Variants in SLIT2 observed in about 807,000 individuals in gnomAD.
The protein encoded by SLIT2 is slit homolog 2 protein.
In SLIT2, 41 loss-of-function variants were observed where a neutral mutation model predicts 185.7. The observed-to-expected ratio is 0.22, with a 90% confidence interval of 0.17 to 0.29. The LOEUF is 0.29. Among genes scored for constraint, SLIT2 ranks in the 10% least tolerant of loss-of-function variants. The pLI is 1.00. For synonymous variants in SLIT2, 693 were observed against 680.2 expected (o/e 1.02, Z -0.29); for missense variants, 1,571 against 1,909.0 (o/e 0.82, Z 3.30).
chr4:20,575,387 A>G (rs929295819), intron 29 of SLIT2, among the ~76,000 whole-genome samples: 1 of 152,230 alleles, frequency 6.6e-6, no homozygotes, highest in Non-Finnish European at 1.5e-5. Context: ...TTAAATAAAA[A>G]GAATGTATAT....
chr4:20,576,324 T>C (rs1295651474), intron 29 of SLIT2, among the ~76,000 whole-genome samples: 1 of 152,208 alleles, frequency 6.6e-6, no homozygotes, highest in African/African-American at 2.4e-5. Flanking sequence ...TTTATTATTA[T>C]TGTTTTTAAT....
intron 11 of SLIT2, among the ~76,000 whole-genome samples, chr4:20,516,311 A>T (rs1384208596): frequency 6.6e-6 from 1 of 152,214 alleles, no homozygotes; most frequent in Non-Finnish European, 1.5e-5. Flanking sequence ...ACAACAAAAA[A>T]ATCTCTATCA....
intron 4 of SLIT2, among the ~76,000 whole-genome samples, chr4:20,284,945 T>G (rs551718329): frequency 5.3e-5 from 8 of 152,374 alleles, no homozygotes; most frequent in African/African-American, 1.9e-4. Context: ...AGGGATAGCT[T>G]ACATCATTTA....
At chr4:20,414,176 A>G (rs1406685619) in intron 4 of SLIT2, among the ~76,000 whole-genome samples, 2 of 152,152 alleles carry the variant, frequency 1.3e-5, no homozygotes, top group African/African-American at 4.8e-5. Context: ...TCTGCAGATT[A>G]CAATTAACCT....
At chr4:20,399,826 G>T (rs1020861302) in intron 4 of SLIT2, among the ~76,000 whole-genome samples, 1 of 151,702 alleles carries the variant, frequency 6.6e-6, no homozygotes, top group Non-Finnish European at 1.5e-5. Context: ...TGAGACCAAA[G>T]TATGAAGGTT....
chr4:20,289,584 A>G (rs1254309746), intron 4 of SLIT2, among the ~76,000 whole-genome samples: 1 of 152,236 alleles, frequency 6.6e-6, no homozygotes, highest in East Asian at 1.9e-4. Context: ...ACAATCTCAT[A>G]GAGTTCTCAC....
At chr4:20,341,105 A>G (rs1175840764) in intron 4 of SLIT2, among the ~76,000 whole-genome samples, 1 of 152,170 alleles carries the variant, frequency 6.6e-6, no homozygotes, top group East Asian at 1.9e-4. Flanking sequence ...CTTCAAAACA[A>G]GTTGCCACTA....
chr4:20,426,526 G>A (rs1303241560), intron 4 of SLIT2, among the ~76,000 whole-genome samples: 51 of 152,178 alleles, frequency 3.4e-4, no homozygotes. Flanking sequence ...TGCTATTAAT[G>A]AGAAAGGATC....
chr4:20,605,265 T>A (rs1728702036), intron 33 of SLIT2, among the ~76,000 whole-genome samples: 1 of 152,174 alleles, frequency 6.6e-6, no homozygotes, highest in East Asian at 1.9e-4. Flanking sequence ...AGAAAGAAAA[T>A]CAGAGACATT....
chr4:20,473,317 A>G (rs1222620989), intron 5 of SLIT2, among the ~76,000 whole-genome samples: 1 of 151,984 alleles, frequency 6.6e-6, no homozygotes, highest in Non-Finnish European at 1.5e-5. Context: ...ATGTTGGGGA[A>G]AATATTTGTA....
chr4:20,547,194 T>A (rs999260158), intron 22 of SLIT2, among the ~76,000 whole-genome samples: 3 of 152,176 alleles, frequency 2.0e-5, no homozygotes, highest in Non-Finnish European at 4.4e-5. Context: ...TCCTCTAAGA[T>A]GTCTTGTTCT....
chr4:20,579,276 G>T (rs1209017538), intron 29 of SLIT2, among the ~76,000 whole-genome samples: 2 of 151,098 alleles, frequency 1.3e-5, no homozygotes, highest in African/African-American at 4.9e-5. Context: ...TTTAGCCTGG[G>T]TGACAGAACA....
At chr4:20,531,723 C>G (rs1721829461) in intron 16 of SLIT2, among the ~76,000 whole-genome samples, 2 of 149,324 alleles carry the variant, frequency 1.3e-5, no homozygotes, top group Non-Finnish European at 3.0e-5. Flanking sequence ...AAAATTTGTT[C>G]TAGAGATTAC....
intron 4 of SLIT2, among the ~76,000 whole-genome samples, chr4:20,422,124 A>G (rs1202912353): frequency 1.3e-5 from 2 of 152,182 alleles, no homozygotes; most frequent in African/African-American, 4.8e-5. Flanking sequence ...TCTCAATGAG[A>G]TGACTCAAAT....
intron 4 of SLIT2, among the ~76,000 whole-genome samples, chr4:20,452,212 G>T (rs931547628): frequency 6.6e-6 from 1 of 152,158 alleles, no homozygotes; most frequent in Non-Finnish European, 1.5e-5. Context: ...AATCCAGCCT[G>T]TGTCATTTTG....
At chr4:20,509,765 C>A (rs1034009107) in intron 9 of SLIT2, among the ~76,000 whole-genome samples, 68 of 152,290 alleles carry the variant, frequency 4.5e-4, no homozygotes, top group African/African-American at 1.6e-3. Context: ...TGGGTAAAAT[C>A]TTGTCTTTCT....
intron 4 of SLIT2, among the ~76,000 whole-genome samples, chr4:20,276,211 C>G (rs916678488): frequency 2.6e-5 from 4 of 152,028 alleles, no homozygotes; most frequent in African/African-American, 9.7e-5. Flanking sequence ...AAGTTTGAAC[C>G]AGAAGTCGTT....
At chr4:20,510,394 A>G (rs1719599208) in intron 9 of SLIT2, 101 bp from the exon 10 acceptor site, 2 of 790,524 alleles carry the variant, frequency 2.5e-6, no homozygotes, top group Non-Finnish European at 4.4e-6. Context: ...ATCACTCATG[A>G]AGAACATCAA....
chr4:20,387,335 A>G (rs984837617), intron 4 of SLIT2, among the ~76,000 whole-genome samples: 4 of 152,164 alleles, frequency 2.6e-5, no homozygotes, highest in African/African-American at 7.2e-5. Flanking sequence ...TAAATTATTT[A>G]GAAGAGTAAA....
Sources: gnomAD v4.1 joint callset for allele counts (sites outside exome capture counted in the v4.1 genomes callset) on GRCh38, gnomAD v4.1.1 for gene constraint, MANE v1.5 for transcripts, NCBI Gene and HGNC (gene_info 2026-07-23, HGNC 2026-07-21) for gene names.